The following FNDC3A variants were observed in gnomAD, a reference collection of about 807,000 sequenced individuals.
The protein encoded by FNDC3A is fibronectin type-III domain-containing protein 3A.
Under a neutral mutation model 148.9 loss-of-function variants are expected in FNDC3A, and 32 were observed. The ratio of observed to expected loss-of-function variants is 0.21; its 90% CI spans 0.16 to 0.29. FNDC3A has a LOEUF of 0.29. FNDC3A is among the 10% of genes least tolerant of loss of function. The pLI is 1.00. For missense variants in FNDC3A, 1,191 were observed against 1,452.8 expected (o/e 0.82, Z 2.93); for synonymous variants, 472 against 473.6 (o/e 1.00, Z 0.04).
At chr13:49,159,879 G>T (rs1406907172) in intron 8 of FNDC3A, among the ~76,000 whole-genome samples, 1 of 151,366 alleles carries the variant, frequency 6.6e-6, no homozygotes, top group African/African-American at 2.5e-5. Context: ...AGATAAACAT[G>T]TGGTTTTTGT....
At chr13:49,011,240 CT>C (rs71186322) in intron 2 of FNDC3A, among the ~76,000 whole-genome samples, 81,890 of 148,782 alleles carry the variant, frequency 0.55, 23,972 homozygotes, top group Non-Finnish European at 0.65. Flanking sequence ...TGATGTCTTT[CT>C]TTTTTTTTTT....
chr13:49,172,965 G>A (rs748368567), intron 11 of FNDC3A, among the ~76,000 whole-genome samples: 1 of 152,220 alleles, frequency 6.6e-6, no homozygotes, highest in Non-Finnish European at 1.5e-5. Flanking sequence ...GGTAAAAACA[G>A]CAGTTACTTT....
intron 4 of FNDC3A, among the ~76,000 whole-genome samples, chr13:49,122,687 A>T (rs1255164569): frequency 1.3e-5 from 2 of 152,280 alleles, no homozygotes; most frequent in East Asian, 3.9e-4. Context: ...AATCACAAGC[A>T]TTCCTATACA....
At chr13:49,012,504 T>C (rs776037157) in intron 2 of FNDC3A, among the ~76,000 whole-genome samples, 2 of 152,170 alleles carry the variant, frequency 1.3e-5, no homozygotes, top group Non-Finnish European at 1.5e-5. Flanking sequence ...CTTGGTATTC[T>C]TGGGCCTTTA....
At chr13:49,011,268 C>G (rs1415516703) in intron 2 of FNDC3A, among the ~76,000 whole-genome samples, 1 of 151,548 alleles carries the variant, frequency 6.6e-6, no homozygotes, top group African/African-American at 2.4e-5. Context: ...GGGTCTCGCT[C>G]TGTCACCCAG....
chr13:49,030,219 A>T (rs1566202069), intron 2 of FNDC3A, among the ~76,000 whole-genome samples: 1 of 152,230 alleles, frequency 6.6e-6, no homozygotes, highest in Non-Finnish European at 1.5e-5. Context: ...GGTTTGTAGT[A>T]GGAATGTTGA....
At chr13:49,038,167 C>T (rs1010720085) in intron 2 of FNDC3A, among the ~76,000 whole-genome samples, 1 of 152,146 alleles carries the variant, frequency 6.6e-6, no homozygotes, top group Non-Finnish European at 1.5e-5. Flanking sequence ...CGTTTGTCTG[C>T]TCATCTCCTT....
chr13:49,148,372 C>T (rs1883109617), intron 8 of FNDC3A, among the ~76,000 whole-genome samples: 1 of 152,042 alleles, frequency 6.6e-6, no homozygotes, highest in Admixed American at 6.6e-5. Context: ...TGTAAGCCTT[C>T]TTGTGTTTAT....
intron 2 of FNDC3A, among the ~76,000 whole-genome samples, chr13:49,059,008 GT>G (rs1876460905): frequency 6.6e-6 from 1 of 152,130 alleles, no homozygotes; most frequent in African/African-American, 2.4e-5. Flanking sequence ...CAGAGGTAAG[GT>G]ACAAAGTGAG....
intron 6 of FNDC3A, among the ~76,000 whole-genome samples, chr13:49,137,896 T>C (rs886708404): frequency 6.6e-6 from 1 of 152,236 alleles, no homozygotes; most frequent in Non-Finnish European, 1.5e-5. Flanking sequence ...TAGATATGCA[T>C]GGTAGACCAT....
intron 1 of FNDC3A, among the ~76,000 whole-genome samples, chr13:48,977,401 A>G (rs992722227): frequency 6.6e-6 from 1 of 152,250 alleles, no homozygotes; most frequent in Admixed American, 6.5e-5. Flanking sequence ...TACGCCACTC[A>G]GGAGTTTGAG....
At chr13:49,036,333 G>C (rs1874488696) in intron 2 of FNDC3A, among the ~76,000 whole-genome samples, 1 of 152,126 alleles carries the variant, frequency 6.6e-6, no homozygotes, top group Non-Finnish European at 1.5e-5. Flanking sequence ...TACAGATTCA[G>C]TTTCTCATCC....
intron 2 of FNDC3A, among the ~76,000 whole-genome samples, chr13:49,048,508 T>C (rs1378167623): frequency 6.6e-6 from 1 of 152,198 alleles, no homozygotes; most frequent in African/African-American, 2.4e-5. Flanking sequence ...CAGTGTTTTA[T>C]AGCTTTTCTT....
chr13:49,075,288 G>T lies in FNDC3A; in HGVS notation c.100-1G>T. On this transcript the variant is annotated splice_acceptor_variant, in intron 2 of 25. Coordinates refer to ENST00000492622, the MANE Select transcript of FNDC3A (RefSeq NM_001079673.2). LOFTEE classifies it high-confidence loss of function. ...TAATACTTCTTCCCCTCATTTTTAA[G>T]GTTATTCTGGTACAAGTTAACCCAG... 1 of 1,577,526 alleles carries T rather than the reference G, an allele frequency of 6.3e-7. No homozygotes were observed. The highest frequency in any genetic ancestry group is 8.7e-7 in the Non-Finnish European group (1 of 1,150,210).
rs756989101 is a variant in FNDC3A, at chr13:49,172,123, G to A, written c.1230+27G>A. The A allele has an allele frequency of 6.3e-6, 9 of 1,439,700 alleles. No homozygotes were observed. In the Admixed American group the frequency reaches 1.0e-4, roughly 17 times the overall value. The allele number at this position is 1,439,700 out of a possible 1,614,324, so 89.2% of individuals were successfully genotyped here. A position where few individuals can be genotyped will look rare whatever the true frequency, so the allele number is the denominator to read the frequency against. On this transcript the variant is annotated intron_variant, in intron 11 of 25. Coordinates refer to ENST00000492622, the MANE Select transcript of FNDC3A (RefSeq NM_001079673.2). ...TAAGTAAATTGAATCTTTTTAAATG[G>A]TTAACATTATGTGCATATGTTCAGG...
intron 15 of FNDC3A, 117 bp downstream of exon 15, chr13:49,186,219 A>G (rs1885561613): frequency 1.3e-6 from 1 of 790,820 alleles, no homozygotes; most frequent in African/African-American, 1.8e-5. Context: ...CAGTCCAAAA[A>G]GAAATGTGAG....
chr13:49,006,709 T>G (rs1242831760), intron 2 of FNDC3A, among the ~76,000 whole-genome samples: 1 of 151,994 alleles, frequency 6.6e-6, no homozygotes, highest in Non-Finnish European at 1.5e-5. Flanking sequence ...ACACAATCCC[T>G]GAAAAGCTGA....
chr13:49,053,477 T>TTATA (rs1409573784), intron 2 of FNDC3A, among the ~76,000 whole-genome samples: 1 of 152,102 alleles, frequency 6.6e-6, no homozygotes, highest in Non-Finnish European at 1.5e-5. Flanking sequence ...GGTGGTTTGG[T>TTATA]TATAGCATGG....
intron 19 of FNDC3A, among the ~76,000 whole-genome samples, chr13:49,194,588 T>C (rs1324960983): frequency 6.6e-6 from 1 of 152,188 alleles, no homozygotes. Flanking sequence ...TATGAGTCCA[T>C]GAAATATAAT....
Sources: gnomAD v4.1 joint callset for allele counts (sites outside exome capture counted in the v4.1 genomes callset) on GRCh38, gnomAD v4.1.1 for gene constraint, MANE v1.5 for transcripts, NCBI Gene and HGNC (gene_info 2026-07-23, HGNC 2026-07-21) for gene names.